The following SGCZ variants were observed in gnomAD, a reference collection of about 807,000 sequenced individuals.
SGCZ encodes the protein sarcoglycan zeta.
In SGCZ, 40 loss-of-function variants were observed where a neutral mutation model predicts 41.3. That is an observed-to-expected ratio of 0.97 (90% CI 0.75 to 1.26). The LOEUF is 1.26. Ranked by LOEUF, SGCZ falls within the 50% of genes most tolerant of loss-of-function variation. The pLI is 0.00. For synonymous variants in SGCZ, 206 were observed against 137.5 expected (o/e 1.50, Z -3.49); for missense variants, 552 against 369.8 (o/e 1.49, Z -4.04).
intron 4 of SGCZ, among the ~76,000 whole-genome samples, chr8:14,191,012 T>G (rs1189200458): frequency 6.6e-6 from 1 of 152,240 alleles, no homozygotes; most frequent in Non-Finnish European, 1.5e-5. Flanking sequence ...ACACCTGTAA[T>G]GACTCGTCTT....
intron 2 of SGCZ, among the ~76,000 whole-genome samples, chr8:14,543,479 A>G (rs2117157497): frequency 6.6e-6 from 1 of 152,186 alleles, no homozygotes; most frequent in Non-Finnish European, 1.5e-5. Context: ...TATCCTGGAA[A>G]AGTAATTTAA....
At chr8:14,801,061 G>A (rs1201005324) in intron 1 of SGCZ, among the ~76,000 whole-genome samples, 43 of 152,168 alleles carry the variant, frequency 2.8e-4, no homozygotes, top group Admixed American at 2.7e-3. Flanking sequence ...TATATTGAAT[G>A]ACTGATAAGT....
At chr8:14,302,069 T>C (rs1801209547) in intron 3 of SGCZ, among the ~76,000 whole-genome samples, 1 of 152,194 alleles carries the variant, frequency 6.6e-6, no homozygotes, top group African/African-American at 2.4e-5. Flanking sequence ...AAGTCTTCTC[T>C]TTCTCTAAGA....
intron 2 of SGCZ, among the ~76,000 whole-genome samples, chr8:14,408,265 A>C (rs980873470): frequency 6.6e-6 from 1 of 152,112 alleles, no homozygotes; most frequent in Non-Finnish European, 1.5e-5. Flanking sequence ...TTGCAGAATC[A>C]CCTGTCCAGA....
At chr8:14,435,579 C>T (rs879417996) in intron 2 of SGCZ, among the ~76,000 whole-genome samples, 1 of 152,158 alleles carries the variant, frequency 6.6e-6, no homozygotes, top group Non-Finnish European at 1.5e-5. Flanking sequence ...GATAGTAAGT[C>T]AGCACAAAGA....
At chr8:14,686,250 G>A (rs976820225) in intron 1 of SGCZ, among the ~76,000 whole-genome samples, 2 of 151,918 alleles carry the variant, frequency 1.3e-5, no homozygotes, top group African/African-American at 2.4e-5. Flanking sequence ...GTTATAGAAA[G>A]GATATCCAAA....
At chr8:14,172,279 G>T (rs970867314) in intron 4 of SGCZ, among the ~76,000 whole-genome samples, 1 of 152,100 alleles carries the variant, frequency 6.6e-6, no homozygotes, top group African/African-American at 2.4e-5. Flanking sequence ...AATGATGAAG[G>T]CTTTATCTCA....
At chr8:15,217,037 T>C (rs1317408288) in intron 1 of SGCZ, among the ~76,000 whole-genome samples, 1 of 151,846 alleles carries the variant, frequency 6.6e-6, no homozygotes, top group Non-Finnish European at 1.5e-5. Flanking sequence ...GTCCTGCTTA[T>C]GCGCTTATAT....
At chr8:14,864,025 T>G (rs1428293070) in intron 1 of SGCZ, among the ~76,000 whole-genome samples, 1 of 152,168 alleles carries the variant, frequency 6.6e-6, no homozygotes. Flanking sequence ...GAACGCGACC[T>G]TCTCTTTGAC....
intron 1 of SGCZ, among the ~76,000 whole-genome samples, chr8:15,020,683 C>A (rs1803217250): frequency 6.6e-6 from 1 of 152,106 alleles, no homozygotes; most frequent in Non-Finnish European, 1.5e-5. Context: ...TATAATTTAT[C>A]TTAATTACAA....
intron 1 of SGCZ, among the ~76,000 whole-genome samples, chr8:14,988,936 G>C (rs1801918658): frequency 6.6e-6 from 1 of 152,054 alleles, no homozygotes; most frequent in South Asian, 2.1e-4. Context: ...ACGAAGCCTG[G>C]AAAAATGAGT....
At chr8:14,991,183 T>C (rs1468814162) in intron 1 of SGCZ, among the ~76,000 whole-genome samples, 1 of 152,190 alleles carries the variant, frequency 6.6e-6, no homozygotes, top group Non-Finnish European at 1.5e-5. Flanking sequence ...GTGTATGATT[T>C]TCAGACATTA....
chr8:15,212,438 G>A (rs1585679527), intron 1 of SGCZ, among the ~76,000 whole-genome samples: 1 of 152,212 alleles, frequency 6.6e-6, no homozygotes, highest in East Asian at 1.9e-4. Flanking sequence ...TCGTTTCAAG[G>A]CGTCTTGCAG....
At chr8:14,318,272 G>A (rs1289600710) in intron 3 of SGCZ, among the ~76,000 whole-genome samples, 1 of 151,644 alleles carries the variant, frequency 6.6e-6, no homozygotes, top group Non-Finnish European at 1.5e-5. Flanking sequence ...AGAGATAGAG[G>A]AAGAAAGGAT....
At chr8:15,228,666 AT>A (rs1801849845) in intron 1 of SGCZ, among the ~76,000 whole-genome samples, 1 of 152,242 alleles carries the variant, frequency 6.6e-6, no homozygotes, top group African/African-American at 2.4e-5. Flanking sequence ...CAAAGGCCAA[AT>A]TTGAGAGCAA....
intron 2 of SGCZ, among the ~76,000 whole-genome samples, chr8:14,377,298 G>A (rs1804167452): frequency 6.6e-6 from 1 of 152,032 alleles, no homozygotes; most frequent in African/African-American, 2.4e-5. Context: ...TGAACACATG[G>A]AGGTTTGGGA....
chr8:14,997,688 A>G (rs1802264289), intron 1 of SGCZ, among the ~76,000 whole-genome samples: 1 of 152,194 alleles, frequency 6.6e-6, no homozygotes, highest in South Asian at 2.1e-4. Flanking sequence ...GGCAGGGTGC[A>G]GTGGCTCACA....
intron 1 of SGCZ, among the ~76,000 whole-genome samples, chr8:14,746,197 A>C (rs1235255987): frequency 1.3e-5 from 2 of 152,096 alleles, no homozygotes; most frequent in Non-Finnish European, 2.9e-5. Context: ...GTAGAGATTT[A>C]AAAAAATGGG....
rs546648686 is a variant in SGCZ, at chr8:14,531,217, C to T, written c.234+23515G>A. On this transcript the variant is annotated intron_variant, in intron 2 of 7. Coordinates refer to ENST00000382080, the MANE Select transcript of SGCZ (RefSeq NM_139167.4). The stretch of plus-strand genomic sequence containing the variant: ...GCCTATTCATAAACCTATCAGCATA[C>T]GTTTCCCCATTCTAAGCCCATAAAA... Among the ~76,000 whole-genome samples the T allele has an allele frequency of 1.1e-4, 17 of 151,704 alleles. No individual in the cohort carries two copies. The East Asian group carries it at 2.4e-3, about 21-fold the overall frequency.
Sources: allele counts gnomAD v4.1 joint callset (sites outside exome capture counted in the v4.1 genomes callset), GRCh38; gene constraint gnomAD v4.1.1; transcripts MANE v1.5; gene names NCBI Gene and HGNC (gene_info 2026-07-23, HGNC 2026-07-21).